MNS1: variants seen among roughly 807,000 people sequenced by gnomAD.
MNS1 encodes the protein meiosis-specific nuclear structural protein 1.
A neutral mutation model predicts 72.0 loss-of-function variants in MNS1; 63 were observed. That is an observed-to-expected ratio of 0.87 (90% CI 0.71 to 1.08). The LOEUF (loss-of-function observed/expected upper bound fraction) is 1.08. Among genes scored for constraint, MNS1 ranks in the 50% least tolerant of loss-of-function variants. The pLI, the probability that MNS1 is intolerant of heterozygous loss-of-function variation, is 0.00. For synonymous variants in MNS1, 188 were observed against 172.1 expected (o/e 1.09, Z -0.72); for missense variants, 604 against 562.4 (o/e 1.07, Z -0.75).
At chr15:56,464,599 G>A in intron 1 of MNS1, among the ~76,000 whole-genome samples, 1 of 121,182 alleles carries the variant, frequency 8.3e-6, no homozygotes, top group East Asian at 2.5e-4. Flanking sequence ...CCACCACCAC[G>A]ACTACCACCA....
intron 3 of MNS1, among the ~76,000 whole-genome samples, 198 bp downstream of exon 3, chr15:56,456,196 T>C (rs1452693566): frequency 6.6e-6 from 1 of 152,190 alleles, no homozygotes; most frequent in Admixed American, 6.5e-5. Flanking sequence ...TTTTTCACTG[T>C]AAATATTCAG....
At chr15:56,433,706 C>A (rs2050663525) in intron 8 of MNS1, among the ~76,000 whole-genome samples, 1 of 152,126 alleles carries the variant, frequency 6.6e-6, no homozygotes, top group Non-Finnish European at 1.5e-5. Flanking sequence ...TCTTAATATA[C>A]AGCTTTTCAA....
At chr15:56,445,425 G>C (rs1441157187) in intron 4 of MNS1, among the ~76,000 whole-genome samples, 1 of 151,928 alleles carries the variant, frequency 6.6e-6, no homozygotes, top group Non-Finnish European at 1.5e-5. Context: ...ATCACATCCC[G>C]AATGATGGAA....
At chr15:56,440,057 C>T (rs1168208835) in intron 7 of MNS1, among the ~76,000 whole-genome samples, 3 of 151,992 alleles carry the variant, frequency 2.0e-5, no homozygotes, top group African/African-American at 7.2e-5. Context: ...ACTCTCAAAA[C>T]CCAACAATAA....
chr15:56,431,058 G>A (rs1212465026), intron 9 of MNS1, among the ~76,000 whole-genome samples: 1 of 152,162 alleles, frequency 6.6e-6, no homozygotes, highest in Non-Finnish European at 1.5e-5. Context: ...CTACTCAGGA[G>A]GCTGAAGCAG....
rs1353744365 is a variant in MNS1, at chr15:56,458,860, A to G, written c.226-2339T>C. ...GTTTATCCATTATCTACTGAAGGAC[A>G]TCTTGGTTGCTTCTAAATTTTGACA... On this transcript the variant is annotated intron_variant, in intron 2 of 9. Transcript: ENST00000260453. 2.0e-5 allele frequency among the ~76,000 whole-genome samples: 3 copies of G among 152,188 alleles called. No individual in the cohort carries two copies. The East Asian group carries it at 5.8e-4, about 29-fold the overall frequency.
intron 7 of MNS1, among the ~76,000 whole-genome samples, 197 bp downstream of exon 7, chr15:56,443,233 A>G (rs2050849231): frequency 6.6e-6 from 1 of 152,134 alleles, no homozygotes; most frequent in African/African-American, 2.4e-5. Flanking sequence ...CATGCTTTTT[A>G]TGGTAAGTTT....
Position 56,465,027 on chromosome 15 carries a change from G to A in MNS1, c.-55C>T. The A allele has an allele frequency of 1.9e-6, 3 of 1,593,472 alleles. No individual in the cohort carries two copies. The highest frequency in any genetic ancestry group is 1.8e-5 in the Admixed American group (1 of 56,344). On this transcript the variant is annotated 5_prime_UTR_variant, in exon 1 of 10. Coordinates refer to ENST00000260453, the MANE Select transcript of MNS1 (RefSeq NM_018365.4). ...GGGACCGCGGCCACCACCTCCCGCC[G>A]CAAACGCAGCAGCCAGCAGCCCCAA...
At chr15:56,450,126 A>G (rs562503404) in intron 3 of MNS1, among the ~76,000 whole-genome samples, 1 of 152,294 alleles carries the variant, frequency 6.6e-6, no homozygotes, top group East Asian at 1.9e-4. Flanking sequence ...TTTGTTTTCT[A>G]GTAATTCCAG....
rs758918521 is a variant in MNS1 at position 56,459,323 on chromosome 15, T to C, written c.226-2802A>G. 3.9e-5 allele frequency among the ~76,000 whole-genome samples: 6 copies of C among 152,238 alleles called. 1 individual carries two copies. The highest frequency in any genetic ancestry group is 8.8e-5 in the Non-Finnish European group (6 of 68,044). ...CTTTTTATGGCTGTGTAATATTCCA[T>C]TGTATAGATGTAACACATTTTGTTT... is the stretch of plus-strand genomic sequence containing the variant. On this transcript the variant is annotated intron_variant, in intron 2 of 9. Transcript: ENST00000260453.
chr15:56,434,050 A>G (rs770837170), intron 8 of MNS1, 88 bp downstream of exon 8: 31 of 1,380,320 alleles, frequency 2.2e-5, no homozygotes, highest in African/African-American at 2.9e-5. Context: ...CTGGCATATA[A>G]AGCTTCTCAG....
intron 9 of MNS1, 55 bp downstream of exon 9, chr15:56,431,317 GT>G (rs555590139): frequency 5.3e-5 from 84 of 1,576,974 alleles, no homozygotes; most frequent in Non-Finnish European, 6.5e-5. Context: ...CAAATACCAT[GT>G]TTTTTTCACT....
chr15:56,456,330 T>A (rs1315769429), intron 3 of MNS1, 64 bp downstream of exon 3: 1 of 1,462,770 alleles, frequency 6.8e-7, no homozygotes, highest in Non-Finnish European at 9.1e-7. Context: ...TTTCAGGTGC[T>A]AAGGATTACA....
rs1391287478 is a variant in MNS1, at chr15:56,446,839, A to C, written c.456+2T>G. On this transcript the variant is annotated splice_donor_variant, in intron 4 of 9. Transcript: ENST00000260453. LOFTEE classifies it high-confidence loss of function. ...AAACATAATGACCAGAAACATGATT[A>C]CCATTTGTTCATATTTAATGGCATC... 1.3e-6 allele frequency: 2 copies of C among 1,591,130 alleles called. No individual in the cohort carries two copies. The highest frequency in any genetic ancestry group is 1.7e-6 in the Non-Finnish European group (2 of 1,162,766).
chr15:56,460,009 A>ATACATATATATATATAT (rs1555449667), intron 2 of MNS1, among the ~76,000 whole-genome samples: 1 of 26,406 alleles, frequency 3.8e-5, no homozygotes, highest in African/African-American at 1.5e-4. Flanking sequence ...AAAAAAAAAA[A>ATACATATATATATATAT]ATACATATAT....
At chr15:56,439,028 G>A (rs977126168) in intron 7 of MNS1, among the ~76,000 whole-genome samples, 14 of 152,064 alleles carry the variant, frequency 9.2e-5, no homozygotes, top group African/African-American at 2.7e-4. Flanking sequence ...GTAGCTCTGG[G>A]CAGAAGACAT....
In MNS1 at chr15:56,429,074, T is replaced by C; in HGVS notation, c.*27A>G. 2 of 1,470,376 alleles carry C rather than the reference T, an allele frequency of 1.4e-6. No individual in the cohort carries two copies. Among genetic ancestry groups the C allele is most frequent in the South Asian group, 2.5e-5 (2 of 81,322 alleles). The allele number at this position is 1,470,376 out of a possible 1,614,324, so 91.1% of individuals were successfully genotyped here. A position where few individuals can be genotyped will look rare whatever the true frequency, so the allele number is the denominator to read the frequency against. On this transcript the variant is annotated 3_prime_UTR_variant, in exon 10 of 10. Transcript: ENST00000260453. The stretch of plus-strand genomic sequence containing the variant: ...ACATCTAGTGGTAACATGCAAAAAA[T>C]CTATGCTTTACCCAATTTTGATGAT...
At chr15:56,444,735 T>A in intron 4 of MNS1, 62 bp from the exon 5 acceptor site, 12 of 1,287,652 alleles carry the variant, frequency 9.3e-6, no homozygotes, top group Non-Finnish European at 1.3e-5. Flanking sequence ...GATAGTATAT[T>A]TTACACCAAT....
At chr15:56,446,979 G>T (rs77189834) in intron 3 of MNS1, 36 bp from the exon 4 acceptor site, 1 of 1,434,764 alleles carries the variant, frequency 7.0e-7, no homozygotes. Context: ...TAAATGTTAG[G>T]ACCATAAGAG....
Sources: allele counts gnomAD v4.1 joint callset (sites outside exome capture counted in the v4.1 genomes callset), GRCh38; gene constraint gnomAD v4.1.1; transcripts MANE v1.5; gene names NCBI Gene and HGNC (gene_info 2026-07-23, HGNC 2026-07-21).